RMC1: variants seen among roughly 807,000 people sequenced by gnomAD.
RMC1 encodes regulator of MON1-CCZ1, also known as regulator of MON1-CCZ1 complex.
In RMC1, 44 loss-of-function variants were observed where a neutral mutation model predicts 95.5. That is an observed-to-expected ratio of 0.46 (90% confidence interval 0.36 to 0.59). The LOEUF (loss-of-function observed/expected upper bound fraction) is 0.59. Among genes scored for constraint, RMC1 ranks in the 20% least tolerant of loss-of-function variants. RMC1 has a pLI of 0.00. For synonymous variants in RMC1, 320 were observed against 303.6 expected (o/e 1.05, Z -0.56); for missense variants, 705 against 819.6 (o/e 0.86, Z 1.71).
At chr18:23,525,667 C>T (rs1253983198) in intron 12 of RMC1, among the ~76,000 whole-genome samples, 1 of 152,146 alleles carries the variant, frequency 6.6e-6, no homozygotes, top group African/African-American at 2.4e-5. Context: ...TCGTGATCTG[C>T]CCACCTCAGC....
At chr18:23,508,159 A>T in intron 4 of RMC1, 118 bp downstream of exon 4, 1 of 874,782 alleles carries the variant, frequency 1.1e-6, no homozygotes, top group Middle Eastern at 3.6e-4. Context: ...ACTGTCCCTC[A>T]TGTTGATTCC....
chr18:23,528,266 A>G (rs1196786124), intron 14 of RMC1: 2 of 168,264 alleles, frequency 1.2e-5, no homozygotes, highest in Non-Finnish European at 2.6e-5. Context: ...AGAAAATTAA[A>G]TTAGAAATAT....
chr18:23,529,411 G>C, intron 15 of RMC1, 113 bp downstream of exon 15: 1 of 1,451,306 alleles, frequency 6.9e-7, no homozygotes, highest in Non-Finnish European at 9.1e-7. Flanking sequence ...AGAATCACTG[G>C]AGTTTCCTTG....
chr18:23,522,433 C>G (rs542553286), intron 10 of RMC1: 3 of 152,266 alleles, frequency 2.0e-5, no homozygotes, highest in African/African-American at 7.2e-5. Context: ...TTGAATGCAG[C>G]CCAACACAAA....
intron 7 of RMC1, 90 bp downstream of exon 7, chr18:23,516,513 C>T (rs2058009263): frequency 1.5e-6 from 2 of 1,329,674 alleles, no homozygotes; most frequent in South Asian, 1.2e-5. Context: ...CACGTGATGC[C>T]CTGACCCCTA....
intron 3 of RMC1, among the ~76,000 whole-genome samples, chr18:23,507,480 A>C (rs566621996): frequency 6.6e-6 from 1 of 152,284 alleles, no homozygotes; most frequent in South Asian, 2.1e-4. Context: ...CTACTTTGTG[A>C]ATTAGCCTTT....
intron 2 of RMC1, chr18:23,506,730 G>T (rs1046011652): frequency 2.5e-6 from 1 of 392,178 alleles, no homozygotes; most frequent in African/African-American, 2.1e-5. Context: ...TGATATGTGT[G>T]TGTGATCTGA....
At chr18:23,524,990 A>G (rs1038176982) in intron 12 of RMC1, among the ~76,000 whole-genome samples, 4 of 112,668 alleles carry the variant, frequency 3.6e-5, no homozygotes, top group African/African-American at 1.4e-4. Flanking sequence ...CTCGTTGCCC[A>G]GGCTGGAGTG....
Position 23,503,709 on chromosome 18 carries a change from G to A in RMC1, c.91G>A (p.Ala31Thr), listed in dbSNP as rs748754565. 5 of 1,589,544 alleles carry A rather than the reference G, an allele frequency of 3.1e-6. No homozygotes were observed. In the African/African-American group the frequency reaches 5.6e-5, roughly 18 times the overall value. ...TGTCAACTGCGTCTTCTTCGATGAGGCCAACAAGCAGGTCCGGCGCGCCCG... is the reference window on the plus strand; with the variant it reads ...TGTCAACTGCGTCTTCTTCGATGAGACCAACAAGCAGGTCCGGCGCGCCCG... ...NPVNCVFFDE[A>T]NKQVFAVRSG... is the part of the protein sequence containing the mutation. The change falls in exon 1 of 20, where the codon GCC becomes ACC. Residue 31 changes from alanine (A) to threonine (T), a missense_variant. By Grantham distance (58) the Ala-to-Thr change is moderately conservative. Transcript: ENST00000269221.
rs2058226348 is a variant in RMC1, at chr18:23,524,169, A to C, written c.1001A>C (p.Lys334Thr). ...AVTSQSPVPC[K>T]LYSSSWIVFQ... is the part of the protein sequence containing the mutation. ...ACCAGCCAGTCTCCTGTTCCATGTA[A>C]ACTCTGTATCCTTTACTAAGGTGTG... is the stretch of plus-strand genomic sequence containing the variant. Residue 334 changes from lysine to threonine, a missense_variant, in exon 11 of 20, where the codon AAA becomes ACA. Lys to Thr is a moderately conservative substitution (Grantham distance 78). Transcript: ENST00000269221. The C allele has an allele frequency of 1.2e-6, 2 of 1,613,738 alleles. No homozygotes were observed. Among genetic ancestry groups the C allele is most frequent in the Non-Finnish European group, 1.7e-6 (2 of 1,180,034 alleles).
chr18:23,509,046 TAAAAGA>T (rs2057782330), intron 4 of RMC1, 141 bp from the exon 5 acceptor site: 1 of 334,298 alleles, frequency 3.0e-6, no homozygotes, highest in Non-Finnish European at 5.4e-6. Context: ...ACATTGTATT[TAAAAGA>T]AAATTTGTTT....
In RMC1 at chr18:23,516,423, T is replaced by C. The variant is rs978826640; in HGVS notation, c.653T>C (p.Ile218Thr). The change falls in exon 7 of 20, where the codon ATA becomes ACA. Residue 218 changes from isoleucine (I) to threonine (T), a missense_variant and splice_region_variant. Coordinates refer to ENST00000269221, the MANE Select transcript of RMC1 (RefSeq NM_013326.5). The part of the protein sequence containing the change: ...LSERDIAMAT[I>T]YGQLYVLFLR... ...GAAAGAGACATCGCAATGGCTACCA[T>C]GTATGTCCGTGTCAGAGAGAATTCC... 3.7e-6 allele frequency: 6 copies of C among 1,613,208 alleles called. No individual in the cohort carries two copies. Among genetic ancestry groups the C allele is most frequent in the Non-Finnish European group, 5.1e-6 (6 of 1,179,112 alleles).
chr18:23,529,354 G>C, intron 15 of RMC1, 56 bp downstream of exon 15: 1 of 1,563,644 alleles, frequency 6.4e-7, no homozygotes, highest in Non-Finnish European at 8.6e-7. Flanking sequence ...CAAGGAAGTT[G>C]CTGAAAACGA....
At chr18:23,510,619 C>A (rs977353034) in intron 5 of RMC1, among the ~76,000 whole-genome samples, 1 of 152,062 alleles carries the variant, frequency 6.6e-6, no homozygotes, top group African/African-American at 2.4e-5. Context: ...TGCACTCCAG[C>A]CTGGGCAACA....
chr18:23,503,581 C>A lies in RMC1; in HGVS notation c.-38C>A. 6.7e-7 allele frequency: 1 copy of A among 1,490,440 alleles called. No homozygotes were observed. Among genetic ancestry groups the A allele is most frequent in the Non-Finnish European group, 9.1e-7 (1 of 1,103,996 alleles). The allele number at this position is 1,490,440 out of a possible 1,614,324, so 92.3% of individuals were successfully genotyped here. On this transcript the variant is annotated 5_prime_UTR_variant, in exon 1 of 20. Coordinates refer to ENST00000269221, the MANE Select transcript of RMC1 (RefSeq NM_013326.5). ...CGCGCATCCTGCTCCACTCTGGCGA[C>A]CGCCCCCGGGGCCCCCGCCGCGGGC... is the stretch of plus-strand genomic sequence containing the variant.
chr18:23,515,811 T>G (rs1391444348), intron 5 of RMC1, 45 bp from the exon 6 acceptor site: 1 of 1,611,304 alleles, frequency 6.2e-7, no homozygotes, highest in Non-Finnish European at 8.5e-7. Context: ...GGGATTAGTT[T>G]GCCGTTTTTT....
chr18:23,510,698 C>T (rs1369287066), intron 5 of RMC1, among the ~76,000 whole-genome samples: 2 of 151,574 alleles, frequency 1.3e-5, no homozygotes, highest in East Asian at 1.9e-4. Context: ...TAAAAGAAGA[C>T]ACACATGCGA....
intron 10 of RMC1, chr18:23,522,959 CTTTT>C (rs1451100707): frequency 6.6e-6 from 1 of 152,214 alleles, no homozygotes; most frequent in Non-Finnish European, 1.5e-5. Context: ...CACCCTTTTT[CTTTT>C]TGTTTTGGGC....
At chr18:23,524,941 C>CTTTT (rs5823396) in intron 12 of RMC1, among the ~76,000 whole-genome samples, 210 of 69,194 alleles carry the variant, frequency 3.0e-3, no homozygotes, top group African/African-American at 5.0e-3. Context: ...TTAGAGAAAT[C>CTTTT]TTTTTTTTTT....
Sources: gnomAD v4.1 joint callset for allele counts (sites outside exome capture counted in the v4.1 genomes callset) on GRCh38, gnomAD v4.1.1 for gene constraint, MANE v1.5 for transcripts, NCBI Gene and HGNC (gene_info 2026-07-23, HGNC 2026-07-21) for gene names.